MDGA2: variants seen among roughly 807,000 people sequenced by gnomAD.
The protein encoded by MDGA2 is MAM domain-containing glycosylphosphatidylinositol anchor protein 2.
MDGA2 carries 40 observed loss-of-function variants against 117.8 expected under a neutral mutation model. The ratio of observed to expected loss-of-function variants is 0.34; its 90% CI spans 0.26 to 0.44. The LOEUF is 0.44. MDGA2 is among the 20% of genes least tolerant of loss of function. MDGA2 has a pLI of 1.00. For missense variants in MDGA2, 1,123 were observed against 1,250.6 expected, an observed-to-expected ratio of 0.90 and a Z score of 1.54; for synonymous variants, 452 against 439.0, an observed-to-expected ratio of 1.03 and a Z score of -0.37.
intron 1 of MDGA2, among the ~76,000 whole-genome samples, chr14:47,367,267 T>C (rs1479764269): frequency 6.6e-6 from 1 of 152,220 alleles, no homozygotes; most frequent in Admixed American, 6.5e-5. Context: ...CAGGGTATGA[T>C]AAGTTTTTGG....
At chr14:47,154,630 A>T (rs1883295010) in intron 3 of MDGA2, among the ~76,000 whole-genome samples, 1 of 149,160 alleles carries the variant, frequency 6.7e-6, no homozygotes, top group Non-Finnish European at 1.5e-5. Flanking sequence ...TGTCAAGACC[A>T]GGCCTGGTGT....
At chr14:47,281,432 CT>C (rs528765689) in intron 2 of MDGA2, among the ~76,000 whole-genome samples, 49 of 152,164 alleles carry the variant, frequency 3.2e-4, no homozygotes, top group Admixed American at 1.2e-3. Flanking sequence ...ATTCTAGAGG[CT>C]TAATTGTGTT....
chr14:47,145,893 T>G (rs547047341), intron 3 of MDGA2, among the ~76,000 whole-genome samples: 43 of 152,292 alleles, frequency 2.8e-4, no homozygotes, highest in African/African-American at 9.4e-4. Flanking sequence ...TGTTTTCTTG[T>G]TTTTATTTCA....
intron 9 of MDGA2, among the ~76,000 whole-genome samples, chr14:46,931,217 A>C (rs1222391491): frequency 2.8e-5 from 4 of 143,066 alleles, no homozygotes; most frequent in African/African-American, 1.1e-4. Context: ...TACATCTCAA[A>C]AAAAAAAAAA....
At chr14:47,354,885 T>C (rs1161348252) in intron 1 of MDGA2, among the ~76,000 whole-genome samples, 9 of 152,026 alleles carry the variant, frequency 5.9e-5, no homozygotes, top group Admixed American at 5.9e-4. Flanking sequence ...GTTTAAGGTC[T>C]TTAGGTGTGT....
intron 9 of MDGA2, among the ~76,000 whole-genome samples, chr14:46,956,773 G>A (rs1231985465): frequency 6.6e-6 from 1 of 152,088 alleles, no homozygotes. Flanking sequence ...TAAATCTCAT[G>A]TGGAATTGTA....
chr14:47,440,768 C>T (rs1488296282), intron 1 of MDGA2, among the ~76,000 whole-genome samples: 1 of 151,952 alleles, frequency 6.6e-6, no homozygotes, highest in African/African-American at 2.4e-5. Flanking sequence ...CTAGGGGTGC[C>T]CTTTGTCCCC....
intron 8 of MDGA2, among the ~76,000 whole-genome samples, chr14:46,987,051 G>GTA (rs1886885111): frequency 1.3e-5 from 2 of 152,224 alleles, no homozygotes; most frequent in African/African-American, 4.8e-5. Flanking sequence ...GTGTATGTAT[G>GTA]TGTCTGCATA....
At chr14:47,104,576 G>T (rs1256633735) in intron 5 of MDGA2, among the ~76,000 whole-genome samples, 1 of 150,304 alleles carries the variant, frequency 6.7e-6, no homozygotes, top group Admixed American at 6.6e-5. Context: ...TCCCTTCGCT[G>T]ACTCTCTTTT....
At chr14:47,168,850 A>C (rs12435755) in intron 3 of MDGA2, among the ~76,000 whole-genome samples, 13,984 of 152,062 alleles carry the variant, frequency 0.092, 764 homozygotes, top group Admixed American at 0.17. Flanking sequence ...TAATTCAATG[A>C]TTTTTCTTTT....
chr14:47,158,440 T>TA (rs1316591768), intron 3 of MDGA2, among the ~76,000 whole-genome samples: 1 of 151,166 alleles, frequency 6.6e-6, no homozygotes, highest in Non-Finnish European at 1.5e-5. Context: ...TGTCTTTTTG[T>TA]AAAAATTAAA....
At chr14:47,440,355 CTTTG>C (rs1257515125) in intron 1 of MDGA2, among the ~76,000 whole-genome samples, 4 of 152,140 alleles carry the variant, frequency 2.6e-5, no homozygotes, top group African/African-American at 9.7e-5. Context: ...GTCCATGGGA[CTTTG>C]TTTATCTCAC....
intron 1 of MDGA2, among the ~76,000 whole-genome samples, chr14:47,672,708 CAG>C (rs1345031547): frequency 6.6e-6 from 1 of 152,164 alleles, no homozygotes; most frequent in Non-Finnish European, 1.5e-5. Context: ...GAGAGGAATA[CAG>C]AGTTAGGCAT....
chr14:47,100,914 T>A (rs1277487187), intron 5 of MDGA2, among the ~76,000 whole-genome samples: 1 of 152,096 alleles, frequency 6.6e-6, no homozygotes, highest in Non-Finnish European at 1.5e-5. Context: ...ATGGTGCCAG[T>A]CAGAATACCA....
rs114805075 is a variant in MDGA2 at position 46,921,314 on chromosome 14, G to T, written c.2090-1154C>A. 1.9e-3 allele frequency among the ~76,000 whole-genome samples: 289 copies of T among 151,582 alleles called. 2 individuals carry two copies. Among genetic ancestry groups the T allele is most frequent in the African/African-American group, 6.7e-3 (279 of 41,334 alleles). ...TTTCTTTTTTTCTTTCTTTTAATTAGATTAGGCCAGCTGTAGGGCTCGTGC... is the reference window on the plus strand; with the variant it reads ...TTTCTTTTTTTCTTTCTTTTAATTATATTAGGCCAGCTGTAGGGCTCGTGC... On this transcript the variant is annotated intron_variant, in intron 9 of 16. Coordinates refer to ENST00000399232, the MANE Select transcript of MDGA2 (RefSeq NM_001113498.3).
At chr14:47,481,957 A>G (rs1893962280) in intron 1 of MDGA2, among the ~76,000 whole-genome samples, 1 of 151,968 alleles carries the variant, frequency 6.6e-6, no homozygotes, top group Non-Finnish European at 1.5e-5. Flanking sequence ...GGATATTGTT[A>G]CCCCCAATTC....
rs113775410 is a variant in MDGA2, at chr14:47,214,902, T to C, written c.595+3119A>G. ...TGTGTTATTATACATCAATAGATTA[T>C]GGGGCAGATTTTAGAGACAATCTTT... On this transcript the variant is annotated intron_variant, in intron 3 of 16. Transcript: ENST00000399232. 8.9e-4 allele frequency among the ~76,000 whole-genome samples: 135 copies of C among 152,286 alleles called. 1 individual carries two copies. The highest frequency in any genetic ancestry group is 2.8e-3 in the African/African-American group (116 of 41,592).
intron 1 of MDGA2, among the ~76,000 whole-genome samples, chr14:47,501,007 T>C (rs1894387983): frequency 6.6e-6 from 1 of 152,162 alleles, no homozygotes. Context: ...GTATATTTTA[T>C]AATGCAAAAA....
At chr14:47,146,757 T>C (rs1325201476) in intron 3 of MDGA2, among the ~76,000 whole-genome samples, 1 of 152,202 alleles carries the variant, frequency 6.6e-6, no homozygotes, top group Non-Finnish European at 1.5e-5. Flanking sequence ...AATTTGATGG[T>C]AAACAGTGTA....
Sources: allele counts gnomAD v4.1 joint callset (sites outside exome capture counted in the v4.1 genomes callset), GRCh38; gene constraint gnomAD v4.1.1; transcripts MANE v1.5; gene names NCBI Gene and HGNC (gene_info 2026-07-23, HGNC 2026-07-21).